The following GRM8 variants were observed in gnomAD, a reference collection of about 807,000 sequenced individuals.
GRM8 encodes glutamate metabotropic receptor 8.
In GRM8, 47 loss-of-function variants were observed where a neutral mutation model predicts 87.2. The observed-to-expected ratio is 0.54, with a 90% confidence interval of 0.43 to 0.69. The LOEUF is 0.69. Among genes scored for constraint, GRM8 ranks in the 30% least tolerant of loss-of-function variants. GRM8 has a pLI of 0.00. For missense variants in GRM8, 1,019 were observed against 1,139.2 expected, an observed-to-expected ratio of 0.89 and a Z score of 1.52; for synonymous variants, 396 against 404.5, an observed-to-expected ratio of 0.98 and a Z score of 0.25.
At position 126,683,556 on chromosome 7, in the gene GRM8, A is replaced by G. The variant is rs555264450; in HGVS notation, c.1358-74058T>C. On this transcript the variant is annotated intron_variant, in intron 7 of 10. Transcript: ENST00000339582. ...TAATTTTCCCTTATCCTTTTCTCCT[A>G]GGTGTTTCTTTCTCCCCTCCCTCCA... Among the ~76,000 whole-genome samples, 69 of 152,178 alleles carry G rather than the reference A, an allele frequency of 4.5e-4. No homozygotes were observed. The Middle Eastern group carries it at 0.01, about 23-fold the overall frequency.
intron 3 of GRM8, among the ~76,000 whole-genome samples, chr7:127,072,689 A>C (rs1821835555): frequency 6.6e-6 from 1 of 151,760 alleles, no homozygotes; most frequent in African/African-American, 2.4e-5. Context: ...ACTTAAAAAT[A>C]TTAATTCAGT....
intron 6 of GRM8, 91 bp downstream of exon 6, chr7:126,902,451 T>A (rs751752618): frequency 8.7e-6 from 9 of 1,037,032 alleles, no homozygotes; most frequent in Non-Finnish European, 1.3e-5. Context: ...AATACATTCA[T>A]CATTATCCAT....
At chr7:126,477,540 GAC>G (rs1226787652) in intron 9 of GRM8, among the ~76,000 whole-genome samples, 1 of 142,954 alleles carries the variant, frequency 7.0e-6, no homozygotes, top group Admixed American at 7.2e-5. Flanking sequence ...TCAATAAAGA[GAC>G]TGAGAAAAGG....
At chr7:126,836,493 CT>C (rs1432692050) in intron 6 of GRM8, among the ~76,000 whole-genome samples, 2 of 151,962 alleles carry the variant, frequency 1.3e-5, no homozygotes, top group African/African-American at 2.4e-5. Flanking sequence ...GAGCTGCCCC[CT>C]GCCTCTCTTT....
At chr7:126,840,233 A>C (rs1202830164) in intron 6 of GRM8, among the ~76,000 whole-genome samples, 1 of 152,154 alleles carries the variant, frequency 6.6e-6, no homozygotes, top group African/African-American at 2.4e-5. Context: ...AAATTATCCA[A>C]ATTTCCAAGC....
chr7:127,078,328 A>G (rs1822501156), intron 3 of GRM8, among the ~76,000 whole-genome samples: 1 of 152,218 alleles, frequency 6.6e-6, no homozygotes. Context: ...TTGTTAGACC[A>G]TAGCCGCTTA....
intron 8 of GRM8, among the ~76,000 whole-genome samples, chr7:126,544,905 C>G (rs1388539146): frequency 2.0e-5 from 3 of 152,182 alleles, no homozygotes; most frequent in African/African-American, 7.2e-5. Context: ...TATCCACGCT[C>G]TACCCATCAT....
intron 3 of GRM8, among the ~76,000 whole-genome samples, chr7:127,060,421 CAGAA>C (rs1345368187): frequency 1.3e-5 from 2 of 151,936 alleles, no homozygotes; most frequent in African/African-American, 2.4e-5. Context: ...AATTTGGTTA[CAGAA>C]AGAGAGAAAA....
At chr7:127,133,529 AC>A (rs1827797147) in intron 2 of GRM8, among the ~76,000 whole-genome samples, 2 of 151,000 alleles carry the variant, frequency 1.3e-5, no homozygotes, top group Admixed American at 1.3e-4. Flanking sequence ...ACGCAGTGAA[AC>A]CCCGTCTCTA....
chr7:126,452,868 A>G lies in GRM8; in HGVS notation c.2431-6496T>C, dbSNP rs191006999. Among the ~76,000 whole-genome samples the G allele has an allele frequency of 4.0e-3, 609 of 151,864 alleles. 4 individuals are homozygous for G. Among genetic ancestry groups the G allele is most frequent in the African/African-American group, 0.014 (584 of 41,470 alleles). ...TTACTTCTAAGTTTTCATAGACTTA[A>G]ATCAAAGGATTTAGTGAGACAACAT... On this transcript the variant is annotated intron_variant, in intron 9 of 10. Coordinates refer to ENST00000339582, the MANE Select transcript of GRM8 (RefSeq NM_000845.3).
At chr7:126,946,351 C>T (rs1444312976) in intron 3 of GRM8, among the ~76,000 whole-genome samples, 2 of 152,110 alleles carry the variant, frequency 1.3e-5, no homozygotes, top group Non-Finnish European at 2.9e-5. Flanking sequence ...CAAAATATTA[C>T]AAATGTAGCC....
chr7:126,860,329 C>A (rs1199579987), intron 6 of GRM8, among the ~76,000 whole-genome samples: 1 of 152,116 alleles, frequency 6.6e-6, no homozygotes, highest in East Asian at 1.9e-4. Flanking sequence ...GGCTTCCTTC[C>A]TATTCCTTAA....
chr7:126,541,823 T>C (rs1816576185), intron 8 of GRM8, among the ~76,000 whole-genome samples: 1 of 152,216 alleles, frequency 6.6e-6, no homozygotes, highest in African/African-American at 2.4e-5. Context: ...AATCACTAAA[T>C]ACTTCGTTAG....
intron 2 of GRM8, among the ~76,000 whole-genome samples, chr7:127,117,404 A>G (rs1826760219): frequency 6.6e-6 from 1 of 152,220 alleles, no homozygotes; most frequent in Admixed American, 6.5e-5. Flanking sequence ...CCAGGGAGAC[A>G]TGGAGAACTG....
At chr7:126,788,673 T>A (rs192137774) in intron 6 of GRM8, among the ~76,000 whole-genome samples, 7 of 151,936 alleles carry the variant, frequency 4.6e-5, no homozygotes, top group African/African-American at 1.7e-4. Flanking sequence ...CATAACTTTA[T>A]AGTTGAACAT....
At chr7:127,000,459 T>C (rs562412998) in intron 3 of GRM8, among the ~76,000 whole-genome samples, 1 of 151,866 alleles carries the variant, frequency 6.6e-6, no homozygotes, top group East Asian at 1.9e-4. Context: ...CCATTTACTA[T>C]GACGATATAC....
intron 6 of GRM8, among the ~76,000 whole-genome samples, chr7:126,857,508 T>C (rs905129001): frequency 6.6e-6 from 1 of 152,154 alleles, no homozygotes; most frequent in Admixed American, 6.5e-5. Context: ...AAAGTTCACC[T>C]TAATAAAAAA....
chr7:126,624,888 T>C (rs899524225), intron 7 of GRM8, among the ~76,000 whole-genome samples: 1 of 152,222 alleles, frequency 6.6e-6, no homozygotes, highest in Non-Finnish European at 1.5e-5. Context: ...CGACAGAACT[T>C]ACATTAGGCT....
At chr7:127,115,379 G>A (rs2133151257) in intron 2 of GRM8, among the ~76,000 whole-genome samples, 1 of 150,870 alleles carries the variant, frequency 6.6e-6, no homozygotes, top group East Asian at 2.0e-4. Context: ...ATAATTTGAT[G>A]CTTTCAAATA....
Sources: allele counts gnomAD v4.1 joint callset (sites outside exome capture counted in the v4.1 genomes callset), GRCh38; gene constraint gnomAD v4.1.1; transcripts MANE v1.5; gene names NCBI Gene and HGNC (gene_info 2026-07-23, HGNC 2026-07-21).